The following SSC5D variants were observed in gnomAD, a reference collection of about 807,000 sequenced individuals.
SSC5D encodes scavenger receptor cysteine rich family member with 5 domains.
A neutral mutation model predicts 104.6 loss-of-function variants in SSC5D; 106 were observed. The observed-to-expected ratio is 1.01, with a 90% confidence interval of 0.87 to 1.19. The LOEUF is 1.19. Among genes scored for constraint, SSC5D ranks in the 50% most tolerant of loss-of-function variants. The probability of loss-of-function intolerance (pLI) is 0.00; values close to 1 mark genes in which losing one functional copy is unlikely to be tolerated. For missense variants in SSC5D, 1,993 were observed against 2,153.8 expected (o/e 0.93, Z 1.48); for synonymous variants, 860 against 883.5 (o/e 0.97, Z 0.47).
chr19:55,511,173 G>T (rs1215111440), intron 12 of SSC5D, among the ~76,000 whole-genome samples: 5 of 152,222 alleles, frequency 3.3e-5, no homozygotes, highest in Admixed American at 3.3e-4. Flanking sequence ...GAAATGGAAA[G>T]GTATTTGATT....
At position 55,500,849 on chromosome 19, in the gene SSC5D, G is replaced by C. The variant is rs1351914807; in HGVS notation, c.2617+45G>C. On this transcript the variant is annotated intron_variant, in intron 11 of 13. Coordinates refer to ENST00000389623, the MANE Select transcript of SSC5D (RefSeq NM_001144950.2). The surrounding 1 kb of genome is among the most constrained non-coding windows in gnomAD (Gnocchi z 4.6). ...GTGGTGGGGTTGTCGGGGGTGGCCA[G>C]GAGAATGGAGTCAGGGTGGGGCCAG... is the stretch of plus-strand genomic sequence containing the variant. The C allele has an allele frequency of 1.3e-6, 2 of 1,526,476 alleles. No homozygotes were observed. The highest frequency in any genetic ancestry group is 1.8e-6 in the Non-Finnish European group (2 of 1,132,888). The allele number at this position is 1,526,476 out of a possible 1,614,324, so 94.6% of individuals were successfully genotyped here.
At chr19:55,511,625 G>A (rs1262211947) in intron 12 of SSC5D, among the ~76,000 whole-genome samples, 1 of 152,204 alleles carries the variant, frequency 6.6e-6, no homozygotes, top group Non-Finnish European at 1.5e-5. Context: ...GGAATTGCTT[G>A]TGGAAGCAGG....
rs1250372370 is a variant in SSC5D, at chr19:55,503,620, G to T, written c.2785+2419G>T. 1.3e-5 allele frequency among the ~76,000 whole-genome samples: 2 copies of T among 152,092 alleles called. No individual in the cohort carries two copies. Among genetic ancestry groups the T allele is most frequent in the East Asian group, 1.9e-4 (1 of 5,178 alleles). On this transcript the variant is annotated intron_variant, in intron 12 of 13. Coordinates refer to ENST00000389623, the MANE Select transcript of SSC5D (RefSeq NM_001144950.2). The surrounding 1 kb of genome is among the most constrained non-coding windows in gnomAD (Gnocchi z 4.0). Reference sequence around the variant, plus strand: ...TTTCACTCCCCACCTAAGGGGCAGCGTTTCTGTCCTCCCTCTGTGCCCGTC... The same window carrying T: ...TTTCACTCCCCACCTAAGGGGCAGCTTTTCTGTCCTCCCTCTGTGCCCGTC...
At position 55,495,047 on chromosome 19, in the gene SSC5D, T is replaced by C. The variant is rs375855634; in HGVS notation, c.1387+264T>C. ...AGCCAGTCCTGGATAAGAGAAAGGA[T>C]GCTGGGCTGAGAGTCTGCTCTATTC... On this transcript the variant is annotated intron_variant, in intron 8 of 13. Coordinates refer to ENST00000389623, the MANE Select transcript of SSC5D (RefSeq NM_001144950.2). Among the ~76,000 whole-genome samples the C allele has an allele frequency of 2.6e-5, 4 of 151,486 alleles. No individual in the cohort carries two copies. The East Asian group carries it at 7.8e-4, about 30-fold the overall frequency.
intron 13 of SSC5D, among the ~76,000 whole-genome samples, chr19:55,514,406 AAATAATAATAATAATAATAAT>A (rs55837985): frequency 4.0e-5 from 4 of 99,578 alleles, no homozygotes; most frequent in Non-Finnish European, 7.7e-5. Flanking sequence ...CTCTGTCTCA[AAATAATAATAATAATAATAAT>A]AATAATAATA....
In SSC5D at chr19:55,519,060, A is replaced by T; in HGVS notation, c.*62A>T. 3 of 1,483,146 alleles carry T rather than the reference A, an allele frequency of 2.0e-6. 1 individual carries two copies. The South Asian group carries it at 3.9e-5, about 19-fold the overall frequency. 91.9% of individuals were successfully genotyped at this position (1,483,146 alleles called of 1,614,324 possible). Reference sequence around the variant, plus strand: ...ACCAAAAAAAACAAAAACAAAAAAAACCCCCAAAGTATCTAATTAAAAACA... The same window carrying T: ...ACCAAAAAAAACAAAAACAAAAAAATCCCCCAAAGTATCTAATTAAAAACA... On this transcript the variant is annotated 3_prime_UTR_variant, in exon 14 of 14. Coordinates refer to ENST00000389623, the MANE Select transcript of SSC5D (RefSeq NM_001144950.2).
In SSC5D at chr19:55,498,108, G is replaced by C. The variant is rs1247925529; in HGVS notation, c.1616G>C (p.Gly539Ala). 1.3e-6 allele frequency: 2 copies of C among 1,551,686 alleles called. No homozygotes were observed. The highest frequency in any genetic ancestry group is 1.7e-6 in the Non-Finnish European group (2 of 1,146,972). The stretch of plus-strand genomic sequence containing the variant: ...TGGCTAGATGATGTGGGCTGTGTGG[G>C]GACCGAGGCTTCACTGTCCGACTGC... ...PIWLDDVGCV[G>A]TEASLSDCPA... Residue 539 changes from glycine to alanine, a missense_variant, in exon 9 of 14, where the codon GGG (glycine) becomes GCG (alanine). Coordinates refer to ENST00000389623, the MANE Select transcript of SSC5D (RefSeq NM_001144950.2).
chr19:55,494,838 C>T, intron 8 of SSC5D, 55 bp downstream of exon 8: 1 of 1,481,554 alleles, frequency 6.7e-7, no homozygotes, highest in Non-Finnish European at 9.0e-7. Context: ...GTTTCCTTCC[C>T]TCAGCTCTGA....
chr19:55,500,515 TG>T lies in SSC5D; in HGVS notation c.2331del (p.Asn779ThrfsTer44), dbSNP rs1568479754. On this transcript the variant is annotated frameshift_variant, in exon 11 of 14. Transcript: ENST00000389623. LOFTEE classifies it high-confidence loss of function. The surrounding 1 kb of genome is among the most constrained non-coding windows in gnomAD (Gnocchi z 4.6). ...GCCTGTTCCGGGTTCGTCTGGCCGA[TG>T]GGCCCAACCGCTGTGCTGGCCGGCT... is the stretch of plus-strand genomic sequence containing the variant. The part of the protein sequence containing the change: ...SGLFRVRLAD[G>X]PNRCAGRLEV... 1 of 1,551,624 alleles carries T rather than the reference TG, an allele frequency of 6.4e-7. No homozygotes were observed.
At position 55,500,441 on chromosome 19, in the gene SSC5D, G is replaced by A. The variant is rs957252039; in HGVS notation, c.2302+29G>A. 7 of 1,548,272 alleles carry A rather than the reference G, an allele frequency of 4.5e-6. No homozygotes were observed. In the Admixed American group the frequency reaches 9.8e-5, roughly 22 times the overall value. On this transcript the variant is annotated intron_variant, in intron 10 of 13. Coordinates refer to ENST00000389623, the MANE Select transcript of SSC5D (RefSeq NM_001144950.2). The surrounding 1 kb of genome is among the most constrained non-coding windows in gnomAD (Gnocchi z 4.6). ...AGTGGCCGTGAGGGGTGTGGGGAGAGAATGGGAGAGGCTGACCCTCCCTCC... is the reference window on the plus strand; with the variant it reads ...AGTGGCCGTGAGGGGTGTGGGGAGAAAATGGGAGAGGCTGACCCTCCCTCC...
intron 12 of SSC5D, among the ~76,000 whole-genome samples, chr19:55,507,754 G>T (rs556668539): frequency 6.6e-6 from 1 of 152,250 alleles, no homozygotes; most frequent in East Asian, 1.9e-4. Flanking sequence ...CCCTGAGGTG[G>T]GTGCATGCTC....
At chr19:55,489,689 G>A (rs775266336) in intron 3 of SSC5D, 27 bp downstream of exon 3, 28 of 1,523,978 alleles carry the variant, frequency 1.8e-5, no homozygotes, top group Middle Eastern at 1.7e-4. Context: ...TGCTCCTTCA[G>A]GGGGAGCTCC....
intron 12 of SSC5D, among the ~76,000 whole-genome samples, chr19:55,505,554 G>T (rs1349648665): frequency 1.3e-5 from 2 of 151,726 alleles, no homozygotes; most frequent in African/African-American, 4.9e-5. Context: ...CAGCAGGGTG[G>T]TTCCCTTTGG....
At chr19:55,506,985 G>A (rs1987649654) in intron 12 of SSC5D, among the ~76,000 whole-genome samples, 1 of 151,534 alleles carries the variant, frequency 6.6e-6, no homozygotes, top group South Asian at 2.1e-4. Context: ...TGGCCAACAT[G>A]GCGAAACCCT....
chr19:55,503,999 C>A lies in SSC5D; in HGVS notation c.2785+2798C>A. The A allele has an allele frequency of 1.0e-6, 1 of 1,001,304 alleles. No homozygotes were observed. The highest frequency in any genetic ancestry group is 1.4e-6 in the Non-Finnish European group (1 of 701,434). 62.0% of individuals were successfully genotyped at this position (1,001,304 alleles called of 1,614,324 possible). ...AATAGCTGGGCGAAGGGCAACCAGG[C>A]CCCAAGAAGCGGGCCTTGAGGTGGG... On this transcript the variant is annotated intron_variant, in intron 12 of 13. Transcript: ENST00000389623. The surrounding 1 kb of genome is among the most constrained non-coding windows in gnomAD (Gnocchi z 4.0).
At position 55,515,491 on chromosome 19, in the gene SSC5D, G is replaced by A. The variant is rs577893148; in HGVS notation, c.2948-1733G>A. On this transcript the variant is annotated intron_variant, in intron 13 of 13. Transcript: ENST00000389623. Reference sequence around the variant, plus strand: ...GCCACGCCTGTAATCCCAGCACTTTGGGAGGCCGAAGCGGGCGGATCACGA... The same window carrying A: ...GCCACGCCTGTAATCCCAGCACTTTAGGAGGCCGAAGCGGGCGGATCACGA... Among the ~76,000 whole-genome samples the A allele has an allele frequency of 4.1e-3, 622 of 151,718 alleles. 5 individuals carry two copies. The highest frequency in any genetic ancestry group is 0.014 in the African/African-American group (590 of 41,396).
In SSC5D at chr19:55,518,454, C is replaced by T. The variant is rs556476861; in HGVS notation, c.4178C>T (p.Pro1393Leu). Residue 1393 changes from proline to leucine, a missense_variant, in exon 14 of 14, where the codon CCC becomes CTC. Around this residue, in one of 6 missense-constraint regions of SSC5D, gnomAD observed 349 missense variants for 397.6 expected, o/e 0.88. Transcript: ENST00000389623. ...LEPSPALESS[P>L]SRSSTATSMD... ...CCCTCTCCAGCCTTGGAGTCCAGCC[C>T]CTCCAGGTCCTCCACAGCCACAAGC... The T allele has an allele frequency of 5.2e-6, 8 of 1,551,376 alleles. No homozygotes were observed. The South Asian group carries it at 7.1e-5, about 14-fold the overall frequency.
At chr19:55,495,233 ATTTTTTT>A (rs74181759) in intron 8 of SSC5D, among the ~76,000 whole-genome samples, 21 of 50,662 alleles carry the variant, frequency 4.1e-4, no homozygotes, top group African/African-American at 7.8e-4. Flanking sequence ...ATATATATAT[ATTTTTTT>A]TTTTTTTTTT....
chr19:55,492,569 C>T (rs938416015), intron 6 of SSC5D: 1 of 152,084 alleles, frequency 6.6e-6, no homozygotes, highest in African/African-American at 2.4e-5. Flanking sequence ...GCTCCCCTCC[C>T]CTGTCTGCAG....
Sources: allele counts gnomAD v4.1 joint callset (sites outside exome capture counted in the v4.1 genomes callset), GRCh38; gene constraint gnomAD v4.1.1; regional missense constraint gnomAD v4.1.1; non-coding constraint Gnocchi (gnomAD v3.1); transcripts MANE v1.5; gene names NCBI Gene and HGNC (gene_info 2026-07-23, HGNC 2026-07-21).